Variants in CTNND2 observed in about 807,000 individuals in gnomAD.
CTNND2 encodes the protein catenin delta-2.
CTNND2 carries 22 observed loss-of-function variants against 144.4 expected under a neutral mutation model. The observed-to-expected ratio is 0.15, with a 90% CI of 0.11 to 0.22. The LOEUF (loss-of-function observed/expected upper bound fraction) is 0.22. CTNND2 is among the 10% of genes least tolerant of loss of function. The probability of loss-of-function intolerance (pLI) is 1.00; values close to 1 mark genes in which losing one functional copy is unlikely to be tolerated. For missense variants in CTNND2, 1,353 were observed against 1,618.8 expected, an observed-to-expected ratio of 0.84 and a Z score of 2.82; for synonymous variants, 751 against 695.6, an observed-to-expected ratio of 1.08 and a Z score of -1.25.
At chr5:11,887,623 T>C (rs1240906247) in intron 1 of CTNND2, among the ~76,000 whole-genome samples, 1 of 152,222 alleles carries the variant, frequency 6.6e-6, no homozygotes, top group Non-Finnish European at 1.5e-5. Context: ...ACATTTGTTA[T>C]AATTAATGAC....
At chr5:11,482,393 T>C (rs1327491684) in intron 3 of CTNND2, among the ~76,000 whole-genome samples, 1 of 152,162 alleles carries the variant, frequency 6.6e-6, no homozygotes, top group Non-Finnish European at 1.5e-5. Flanking sequence ...ATTCAGTGAA[T>C]AGAGGTCTTC....
chr5:11,270,383 T>C (rs1561127288), intron 9 of CTNND2, among the ~76,000 whole-genome samples: 1 of 151,672 alleles, frequency 6.6e-6, no homozygotes, highest in East Asian at 1.9e-4. Context: ...ATTGGTGAAA[T>C]ACCACACATA....
In CTNND2 at chr5:11,609,741, G is replaced by A. The variant is rs373557932; in HGVS notation, c.175-44685C>T. ...TCCAGCCCTGGGAGGATGTGTCTTG[G>A]CAAAGCCTGGCTGGGACCCAGGTGG... On this transcript the variant is annotated intron_variant, in intron 2 of 21. Coordinates refer to ENST00000304623, the MANE Select transcript of CTNND2 (RefSeq NM_001332.4). Among the ~76,000 whole-genome samples, 115 of 152,274 alleles carry A rather than the reference G, an allele frequency of 7.6e-4. 2 individuals carry two copies. The South Asian group carries it at 0.022, about 29-fold the overall frequency.
intron 1 of CTNND2, among the ~76,000 whole-genome samples, chr5:11,748,111 G>A (rs1471295935): frequency 6.6e-6 from 1 of 152,040 alleles, no homozygotes; most frequent in African/African-American, 2.4e-5. Context: ...CTATAAAACC[G>A]AGTTTCAACT....
At chr5:11,413,543 G>A (rs1463992893) in intron 3 of CTNND2, among the ~76,000 whole-genome samples, 1 of 152,076 alleles carries the variant, frequency 6.6e-6, no homozygotes, top group African/African-American at 2.4e-5. Flanking sequence ...TAGAACTCAG[G>A]CATATGGGTT....
intron 3 of CTNND2, among the ~76,000 whole-genome samples, chr5:11,429,301 T>C (rs1018564520): frequency 3.3e-5 from 5 of 152,232 alleles, no homozygotes; most frequent in Admixed American, 2.6e-4. Flanking sequence ...AAATGAAACA[T>C]TATTTTCACT....
At chr5:11,157,129 G>C (rs1008293323) in intron 12 of CTNND2, among the ~76,000 whole-genome samples, 1 of 152,140 alleles carries the variant, frequency 6.6e-6, no homozygotes, top group Non-Finnish European at 1.5e-5. Flanking sequence ...ATGCATGTGA[G>C]AATCAACAAC....
intron 3 of CTNND2, among the ~76,000 whole-genome samples, chr5:11,540,439 G>A (rs972784202): frequency 3.9e-5 from 6 of 152,298 alleles, no homozygotes; most frequent in Admixed American, 6.5e-5. Context: ...TGGGAATCCC[G>A]CTGGGAATTG....
At chr5:10,976,600 C>A (rs566355561) in intron 21 of CTNND2, among the ~76,000 whole-genome samples, 65 of 152,204 alleles carry the variant, frequency 4.3e-4, no homozygotes, top group Admixed American at 5.2e-4. Context: ...ACGCTCTCTG[C>A]GCTCTGTTCC....
intron 3 of CTNND2, among the ~76,000 whole-genome samples, chr5:11,507,612 G>C (rs534356133): frequency 1.7e-4 from 26 of 152,324 alleles, no homozygotes; most frequent in African/African-American, 6.0e-4. Flanking sequence ...AGACAGCTCT[G>C]AGAGCAGGTG....
At chr5:11,634,976 A>G (rs1781605325) in intron 2 of CTNND2, among the ~76,000 whole-genome samples, 1 of 152,082 alleles carries the variant, frequency 6.6e-6, no homozygotes, top group African/African-American at 2.4e-5. Flanking sequence ...TATAGGCAAT[A>G]GGTTGAAAGA....
At chr5:11,074,716 T>C (rs1188288321) in intron 16 of CTNND2, among the ~76,000 whole-genome samples, 1 of 152,176 alleles carries the variant, frequency 6.6e-6, no homozygotes, top group Non-Finnish European at 1.5e-5. Flanking sequence ...TCTCACTAAG[T>C]AAAGACCTGG....
rs148199852 is a variant in CTNND2, at chr5:11,111,005, C to A, written c.2316G>T (p.Ser772=). ...GAGACGTTTCTGCCGCCAGCCGGTA[C>A]GAGAGGTTCCTTAAAATGCACACAC... ...ENCVCILRNL[S]YRLAAETSQG... Residue 772 remains serine, a synonymous_variant, in exon 14 of 22, where the codon TCG becomes TCT. Coordinates refer to ENST00000304623, the MANE Select transcript of CTNND2 (RefSeq NM_001332.4). 1.4e-5 allele frequency: 23 copies of A among 1,613,916 alleles called. No individual in the cohort carries two copies. In the Admixed American group the frequency reaches 2.2e-4, roughly 15 times the overall value.
intron 2 of CTNND2, among the ~76,000 whole-genome samples, chr5:11,568,994 C>T (rs980806928): frequency 3.3e-5 from 5 of 152,156 alleles, no homozygotes; most frequent in African/African-American, 1.2e-4. Flanking sequence ...GAAGAAATAT[C>T]TCTAAAGATT....
intron 9 of CTNND2, among the ~76,000 whole-genome samples, chr5:11,238,835 A>G (rs1286879496): frequency 6.6e-6 from 1 of 152,210 alleles, no homozygotes; most frequent in African/African-American, 2.4e-5. Flanking sequence ...GCTGATAATG[A>G]ACAAACTATT....
At chr5:11,408,441 A>G (rs1403608449) in intron 5 of CTNND2, among the ~76,000 whole-genome samples, 2 of 151,818 alleles carry the variant, frequency 1.3e-5, no homozygotes, top group African/African-American at 2.4e-5. Flanking sequence ...GGTTCTTAAG[A>G]ATAATAATAT....
At chr5:11,067,088 T>A (rs553955904) in intron 16 of CTNND2, among the ~76,000 whole-genome samples, 1 of 152,212 alleles carries the variant, frequency 6.6e-6, no homozygotes, top group East Asian at 1.9e-4. Context: ...GGGAAGAGCT[T>A]ATGAAAAATC....
chr5:10,997,820 C>A (rs1739519394), intron 18 of CTNND2, among the ~76,000 whole-genome samples: 1 of 152,032 alleles, frequency 6.6e-6, no homozygotes, highest in Admixed American at 6.6e-5. Flanking sequence ...TAAAGGTGAA[C>A]AAGGTACTTT....
intron 2 of CTNND2, among the ~76,000 whole-genome samples, chr5:11,671,691 AG>A (rs1201986586): frequency 1.3e-5 from 2 of 151,844 alleles, no homozygotes; most frequent in Non-Finnish European, 2.9e-5. Context: ...CCTTTTTTCA[AG>A]GTTCTTAGCT....
Sources: allele counts gnomAD v4.1 joint callset (sites outside exome capture counted in the v4.1 genomes callset), GRCh38; gene constraint gnomAD v4.1.1; transcripts MANE v1.5; gene names NCBI Gene and HGNC (gene_info 2026-07-23, HGNC 2026-07-21).